The following FBXO42 variants were observed in gnomAD, a reference collection of about 807,000 sequenced individuals.
FBXO42 encodes F-box only protein 42.
In FBXO42, 12 loss-of-function variants were observed where a neutral mutation model predicts 71.7. That is an observed-to-expected ratio of 0.17 (90% CI 0.11 to 0.27). The LOEUF is 0.27. FBXO42 is among the 10% of genes least tolerant of loss of function. FBXO42 has a pLI of 1.00. For missense variants in FBXO42, 707 were observed against 911.9 expected (o/e 0.78, Z 2.89); for synonymous variants, 325 against 327.5 (o/e 0.99, Z 0.08).
intron 4 of FBXO42, 44 bp downstream of exon 4, chr1:16,294,739 G>A (rs12353958): frequency 0.092 from 147,806 of 1,599,334 alleles, 8,168 homozygotes; most frequent in Non-Finnish European, 0.11. Context: ...CATGCCAAGG[G>A]AGTCACCTGG....
Position 16,250,480 on chromosome 1 carries a change from T to C in FBXO42, c.*190A>G. On this transcript the variant is annotated 3_prime_UTR_variant, in exon 10 of 10. Transcript: ENST00000375592. This position sits in a 1 kb window ranked among gnomAD's most constrained non-coding sequence, Gnocchi z 4.7. ...TCAACAGAGTTGGCTATATAATATA[T>C]ATATATATATTTATATATAATTTTT... 1 of 172,516 alleles carries C rather than the reference T, an allele frequency of 5.8e-6. No homozygotes were observed. Among genetic ancestry groups the C allele is most frequent in the Non-Finnish European group, 1.2e-5 (1 of 82,426 alleles). The allele number at this position is 172,516 out of a possible 1,614,324, so 10.7% of individuals were successfully genotyped here.
At chr1:16,296,835 C>T (rs1437864817) in intron 3 of FBXO42, among the ~76,000 whole-genome samples, 1 of 151,914 alleles carries the variant, frequency 6.6e-6, no homozygotes, top group Non-Finnish European at 1.5e-5. Context: ...AAGGGAAATG[C>T]TACTACTGTT....
intron 1 of FBXO42, among the ~76,000 whole-genome samples, chr1:16,325,194 T>C (rs1005878845): frequency 1.3e-5 from 2 of 152,060 alleles, no homozygotes; most frequent in Admixed American, 6.6e-5. Context: ...GCCAATATCA[T>C]GCCACTGCAC....
chr1:16,308,744 T>C (rs1482651311), intron 2 of FBXO42, among the ~76,000 whole-genome samples: 1 of 140,560 alleles, frequency 7.1e-6, no homozygotes, highest in Admixed American at 7.1e-5. Flanking sequence ...ATCTCTGTTT[T>C]TTTTTTTTTT....
Position 16,255,759 on chromosome 1 carries a change from A to G in FBXO42, c.719T>C (p.Ile240Thr), listed in dbSNP as rs1232243466. The G allele has an allele frequency of 6.2e-7, 1 of 1,614,158 alleles. No homozygotes were observed. Residue 240 changes from isoleucine (I) to threonine (T), a missense_variant, in exon 6 of 10, where the codon ATA (isoleucine) becomes ACA (threonine). Transcript: ENST00000375592. ...PPMAGHSSCV[I>T]DDKMIVFGGS... ...ACCAAAGACAATCATTTTATCATCT[A>G]TCACACAGGAGGAGTGGCCAGCCAT...
intron 7 of FBXO42, 75 bp from the exon 8 acceptor site, chr1:16,253,227 G>A (rs1469766737): frequency 7.6e-6 from 10 of 1,311,112 alleles, no homozygotes; most frequent in South Asian, 3.9e-5. Context: ...ACTGGTATAT[G>A]AGAATAGCCT....
At chr1:16,330,804 T>TGGTG (rs1284556194) in intron 1 of FBXO42, among the ~76,000 whole-genome samples, 1 of 151,952 alleles carries the variant, frequency 6.6e-6, no homozygotes, top group Non-Finnish European at 1.5e-5. Flanking sequence ...TAGCTGGGCA[T>TGGTG]GGTGGTGGGC....
intron 4 of FBXO42, among the ~76,000 whole-genome samples, chr1:16,291,417 G>A (rs532894482): frequency 2.0e-5 from 3 of 151,302 alleles, no homozygotes; most frequent in South Asian, 2.1e-4. Context: ...GTCTCACTCC[G>A]CCACCCAGGC....
At chr1:16,297,897 T>C (rs1166581336) in intron 3 of FBXO42, among the ~76,000 whole-genome samples, 1 of 130,888 alleles carries the variant, frequency 7.6e-6, no homozygotes, top group Non-Finnish European at 1.6e-5. Flanking sequence ...TCAAGTCCAA[T>C]GAATCCATGG....
chr1:16,305,771 G>A, intron 3 of FBXO42, 32 bp downstream of exon 3: 1 of 1,548,414 alleles, frequency 6.5e-7, no homozygotes, highest in Non-Finnish European at 8.9e-7. Context: ...ACCACAGGCA[G>A]GGTGGAATCT....
chr1:16,279,269 A>T (rs1255619350), intron 4 of FBXO42, among the ~76,000 whole-genome samples: 4 of 152,172 alleles, frequency 2.6e-5, no homozygotes, highest in African/African-American at 9.7e-5. Flanking sequence ...GAATAGCCCT[A>T]AAAAAACAAA....
chr1:16,254,749 C>T (rs2081622246), intron 6 of FBXO42, among the ~76,000 whole-genome samples: 1 of 152,186 alleles, frequency 6.6e-6, no homozygotes, highest in Non-Finnish European at 1.5e-5. Flanking sequence ...ACAACTGCTG[C>T]TACCGCTGAA....
intron 4 of FBXO42, among the ~76,000 whole-genome samples, chr1:16,271,611 C>A (rs1256360191): frequency 6.6e-6 from 1 of 151,870 alleles, no homozygotes; most frequent in African/African-American, 2.4e-5. Flanking sequence ...CCACTTGTAC[C>A]ACTCTCCCCT....
intron 7 of FBXO42, 172 bp from the exon 8 acceptor site, chr1:16,253,324 T>C: frequency 1.6e-6 from 1 of 615,034 alleles, no homozygotes; most frequent in East Asian, 2.8e-5. Context: ...GTGAATAAAT[T>C]ACTGATAATT....
chr1:16,251,320 G>C lies in FBXO42; in HGVS notation c.1504C>G (p.Leu502Val). The C allele has an allele frequency of 9.3e-6, 15 of 1,614,226 alleles. No individual in the cohort carries two copies. Among genetic ancestry groups the C allele is most frequent in the Non-Finnish European group, 1.1e-5 (13 of 1,180,036 alleles). The change falls in exon 10 of 10, where the codon CTG (leucine) becomes GTG (valine). Residue 502 changes from leucine (L) to valine (V), a missense_variant. Transcript: ENST00000375592. This position sits in a 1 kb window ranked among gnomAD's most constrained non-coding sequence, Gnocchi z 4.5. ...GAAGCGGGTTTCAGATCCCAATTCA[G>C]ATCTATGGATCCTAATCTCAGATCT... ...QKDLRLGSID[L>V]NWDLKPASSS...
chr1:16,282,757 G>C (rs1471561959), intron 4 of FBXO42, among the ~76,000 whole-genome samples: 1 of 151,834 alleles, frequency 6.6e-6, no homozygotes, highest in Non-Finnish European at 1.5e-5. Context: ...AAGGCGGGCA[G>C]ATCACCTGAG....
intron 1 of FBXO42, among the ~76,000 whole-genome samples, chr1:16,334,410 C>T (rs1362280419): frequency 1.5e-5 from 2 of 134,144 alleles, no homozygotes; most frequent in Non-Finnish European, 3.1e-5. Flanking sequence ...CAGAGTGAGA[C>T]TCCGCCTCAA....
intron 4 of FBXO42, chr1:16,294,296 T>C (rs1310567202): frequency 6.5e-6 from 1 of 153,386 alleles, no homozygotes; most frequent in African/African-American, 2.4e-5. Flanking sequence ...TGGGTAGGAA[T>C]GTACCTACTG....
At chr1:16,332,829 C>T (rs1158492415) in intron 1 of FBXO42, among the ~76,000 whole-genome samples, 2 of 152,162 alleles carry the variant, frequency 1.3e-5, no homozygotes, top group African/African-American at 4.8e-5. Flanking sequence ...GTGTGAGCCA[C>T]TGCGCCTGGC....
Sources: allele counts gnomAD v4.1 joint callset (sites outside exome capture counted in the v4.1 genomes callset), GRCh38; gene constraint gnomAD v4.1.1; non-coding constraint Gnocchi (gnomAD v3.1); transcripts MANE v1.5; gene names NCBI Gene and HGNC (gene_info 2026-07-23, HGNC 2026-07-21).